SAAL1: variants seen among roughly 807,000 people sequenced by gnomAD.
SAAL1 encodes serum amyloid A like 1, also known as protein SAAL1.
A neutral mutation model predicts 59.8 loss-of-function variants in SAAL1; 42 were observed. That is an observed-to-expected ratio of 0.70 (90% confidence interval 0.55 to 0.91). SAAL1 has a LOEUF of 0.91. Among genes scored for constraint, SAAL1 ranks in the 40% least tolerant of loss-of-function variants. The pLI, the probability that SAAL1 is intolerant of heterozygous loss-of-function variation, is 0.00. For synonymous variants in SAAL1, 191 were observed against 194.3 expected (o/e 0.98, Z 0.14); for missense variants, 542 against 561.1 (o/e 0.97, Z 0.34).
In SAAL1 at chr11:18,090,455, G is replaced by A. The variant is rs1054971791; in HGVS notation, c.452C>T (p.Pro151Leu). The A allele has an allele frequency of 2.5e-6, 4 of 1,610,556 alleles. No individual in the cohort carries two copies. Among genetic ancestry groups the A allele is most frequent in the Non-Finnish European group, 2.5e-6 (3 of 1,179,172 alleles). ...LLHCLYDSDP[P>L]TLLETSRLLL... ...ATACCTGCTTGTTTCCAGCAGAGTA[G>A]GTGGGTCTGAATCATACAAACAGTG... is the stretch of plus-strand genomic sequence containing the variant. Residue 151 changes from proline (P) to leucine (L), a missense_variant, in exon 5 of 12, where the codon CCT (proline) becomes CTT (leucine). By Grantham distance (98) the Pro-to-Leu change is moderately conservative. Transcript: ENST00000524803.
chr11:18,097,178 A>T (rs1403927497), intron 2 of SAAL1, among the ~76,000 whole-genome samples: 1 of 152,120 alleles, frequency 6.6e-6, no homozygotes, highest in Non-Finnish European at 1.5e-5. Flanking sequence ...CAGAGGTTGC[A>T]GTGAGCTGAG....
At chr11:18,094,466 G>C (rs986433784) in intron 3 of SAAL1, among the ~76,000 whole-genome samples, 7 of 152,156 alleles carry the variant, frequency 4.6e-5, no homozygotes, top group Non-Finnish European at 1.0e-4. Flanking sequence ...TGTAGAGCGT[G>C]CAAGCAGAGA....
chr11:18,098,478 G>A (rs1232435683), intron 2 of SAAL1, among the ~76,000 whole-genome samples: 1 of 152,166 alleles, frequency 6.6e-6, no homozygotes, highest in Non-Finnish European at 1.5e-5. Context: ...ATAAAATTAA[G>A]TCTCTGGCTG....
At chr11:18,097,485 C>T (rs894512816) in intron 2 of SAAL1, among the ~76,000 whole-genome samples, 1 of 152,124 alleles carries the variant, frequency 6.6e-6, no homozygotes, top group Admixed American at 6.6e-5. Context: ...TCTCATTAAA[C>T]ACATTCAAAC....
At chr11:18,096,645 C>A in intron 3 of SAAL1, 126 bp downstream of exon 3, 1 of 650,258 alleles carries the variant, frequency 1.5e-6, no homozygotes. Flanking sequence ...GTTCAATTAA[C>A]ATCTACAGGC....
chr11:18,089,391 A>G lies in SAAL1; in HGVS notation c.709T>C (p.Ser237Pro), dbSNP rs1204974999. The stretch of plus-strand genomic sequence containing the variant: ...AGCCGAAACACTGGCTGCTCTTCAG[A>G]CTCTTCCTGGGGTTGGTCCAGAGGC... ...AQPLDQPQEE[S>P]EEQPVFRLVP... is the part of the protein sequence containing the mutation. Residue 237 changes from serine to proline, a missense_variant, in exon 7 of 12, where the codon TCT becomes CCT. Transcript: ENST00000524803. 5.6e-6 allele frequency: 9 copies of G among 1,604,626 alleles called. No individual in the cohort carries two copies. Among genetic ancestry groups the G allele is most frequent in the Non-Finnish European group, 6.8e-6 (8 of 1,177,106 alleles).
At chr11:18,092,470 A>G (rs1434613187) in intron 3 of SAAL1, 146 bp from the exon 4 acceptor site, 3 of 617,184 alleles carry the variant, frequency 4.9e-6, no homozygotes. Flanking sequence ...TACTGCCTGT[A>G]CCCTAACCTT....
At chr11:18,084,627 G>A (rs1330124411) in intron 9 of SAAL1, among the ~76,000 whole-genome samples, 2 of 152,140 alleles carry the variant, frequency 1.3e-5, no homozygotes, top group African/African-American at 4.8e-5. Flanking sequence ...TGTCCCTAAG[G>A]ACTGTACTCA....
intron 7 of SAAL1, 59 bp downstream of exon 7, chr11:18,089,271 G>A (rs1848497851): frequency 2.1e-6 from 3 of 1,406,052 alleles, no homozygotes; most frequent in African/African-American, 2.9e-5. Flanking sequence ...TTTTATATCT[G>A]AGAATACTTC....
rs1182730801 is a variant in SAAL1 at position 18,080,420 on chromosome 11, T to G, written c.1404A>C (p.Pro468=). The change falls in exon 12 of 12, where the codon CCA becomes CCC. Residue 468 remains proline (P), a synonymous_variant. Coordinates refer to ENST00000524803, the MANE Select transcript of SAAL1 (RefSeq NM_138421.3). ...ALADDLEKNF[P]SLKVQT is the part of the protein sequence containing the mutation. ...GGTTTTAAGTCTGAACCTTCAAACT[T>G]GGGAAGTTTTTTTCCAAGTCATCAG... 1 of 1,595,006 alleles carries G rather than the reference T, an allele frequency of 6.3e-7. No homozygotes were observed. The highest frequency in any genetic ancestry group is 1.2e-5 in the South Asian group (1 of 86,796).
intron 1 of SAAL1, 50 bp downstream of exon 1, chr11:18,105,857 G>T: frequency 1.3e-6 from 2 of 1,504,888 alleles, no homozygotes. Flanking sequence ...GCGGAGCCCC[G>T]GTGCCTGGGG....
At chr11:18,101,936 G>T (rs1219818049) in intron 2 of SAAL1, among the ~76,000 whole-genome samples, 1 of 151,874 alleles carries the variant, frequency 6.6e-6, no homozygotes, top group Non-Finnish European at 1.5e-5. Context: ...TAAAACTCTA[G>T]AATACATACT....
intron 2 of SAAL1, among the ~76,000 whole-genome samples, chr11:18,097,292 A>C (rs1322707416): frequency 1.3e-5 from 2 of 152,118 alleles, no homozygotes; most frequent in Non-Finnish European, 2.9e-5. Flanking sequence ...GAAAAAAAAA[A>C]CACAGGCTTA....
chr11:18,100,602 T>A (rs1449679330), intron 2 of SAAL1, among the ~76,000 whole-genome samples: 1 of 152,054 alleles, frequency 6.6e-6, no homozygotes, highest in African/African-American at 2.4e-5. Context: ...TCAAAAAAAA[T>A]TGTAAACACA....
intron 10 of SAAL1, among the ~76,000 whole-genome samples, chr11:18,082,236 T>C (rs1848418544): frequency 1.3e-5 from 2 of 152,148 alleles, no homozygotes; most frequent in African/African-American, 2.4e-5. Context: ...ATGGAAAAGA[T>C]ACATTATTAC....
At chr11:18,082,911 G>A (rs1026296219) in intron 10 of SAAL1, among the ~76,000 whole-genome samples, 5 of 152,100 alleles carry the variant, frequency 3.3e-5, no homozygotes, top group South Asian at 4.1e-4. Flanking sequence ...GATTATAGGC[G>A]CCTGGCCAAG....
chr11:18,092,791 G>A (rs1487074581), intron 3 of SAAL1, among the ~76,000 whole-genome samples: 1 of 152,146 alleles, frequency 6.6e-6, no homozygotes, highest in Admixed American at 6.5e-5. Context: ...CCGTGCTGAA[G>A]AATTAGACTT....
chr11:18,105,427 C>A (rs1359276882), intron 1 of SAAL1, among the ~76,000 whole-genome samples: 2 of 150,810 alleles, frequency 1.3e-5, no homozygotes, highest in Non-Finnish European at 2.9e-5. Context: ...TCCGCCTCGG[C>A]CTCCCAAAGT....
In SAAL1 at chr11:18,092,311, C is replaced by T. The variant is rs769018772; in HGVS notation, c.347G>A (p.Gly116Glu). The T allele has an allele frequency of 6.2e-7, 1 of 1,601,682 alleles. No individual in the cohort carries two copies. Among genetic ancestry groups the T allele is most frequent in the South Asian group, 1.1e-5 (1 of 90,742 alleles). ...KCPRLREICV[G>E]ILGNMACFQE... is the part of the protein sequence containing the mutation. ...GAAACAGGCCATATTACCTAAAATT[C>T]CCACACAGATTTCCTGCCAAATCAA... Residue 116 changes from glycine to glutamate, a missense_variant, in exon 4 of 12, where the codon GGA (glycine) becomes GAA (glutamate). By Grantham distance (98) the Gly-to-Glu change is moderately conservative (BLOSUM62 -2). Coordinates refer to ENST00000524803, the MANE Select transcript of SAAL1 (RefSeq NM_138421.3).
Sources: allele counts gnomAD v4.1 joint callset (sites outside exome capture counted in the v4.1 genomes callset), GRCh38; gene constraint gnomAD v4.1.1; transcripts MANE v1.5; gene names NCBI Gene and HGNC (gene_info 2026-07-23, HGNC 2026-07-21).